ASIC2: variants seen among roughly 807,000 people sequenced by gnomAD.
The protein encoded by ASIC2 is acid sensing ion channel subunit 2.
ASIC2 carries 25 observed loss-of-function variants against 57.3 expected under a neutral mutation model. The ratio of observed to expected loss-of-function variants is 0.44; its 90% CI spans 0.32 to 0.61. The LOEUF (loss-of-function observed/expected upper bound fraction) is 0.61. Ranked by LOEUF, ASIC2 falls within the 20% of genes least tolerant of loss-of-function variation. ASIC2 has a pLI of 0.06. For missense variants in ASIC2, 641 were observed against 738.1 expected (o/e 0.87, Z 1.52); for synonymous variants, 319 against 307.5 (o/e 1.04, Z -0.39).
intron 1 of ASIC2, among the ~76,000 whole-genome samples, chr17:34,022,368 A>G (rs950915109): frequency 2.0e-5 from 3 of 152,158 alleles, no homozygotes; most frequent in African/African-American, 7.2e-5. Flanking sequence ...TTTTGGACAC[A>G]AATTTCCTGC....
intron 1 of ASIC2, among the ~76,000 whole-genome samples, chr17:33,860,013 A>G (rs1914063742): frequency 6.6e-6 from 1 of 152,176 alleles, no homozygotes; most frequent in Non-Finnish European, 1.5e-5. Context: ...TATTTCTCAC[A>G]TAGCATCAGA....
At chr17:33,327,681 A>G (rs2142222058) in intron 1 of ASIC2, among the ~76,000 whole-genome samples, 1 of 152,330 alleles carries the variant, frequency 6.6e-6, no homozygotes, top group East Asian at 1.9e-4. Context: ...CGTTCATTAG[A>G]AAAGACTCCT....
intron 1 of ASIC2, among the ~76,000 whole-genome samples, chr17:33,930,519 G>A (rs1171811426): frequency 6.6e-6 from 1 of 152,198 alleles, no homozygotes; most frequent in East Asian, 1.9e-4. Flanking sequence ...ACCAGAGCCT[G>A]GGCCCACCAT....
At chr17:33,033,916 G>T (rs2091897238) in intron 3 of ASIC2, among the ~76,000 whole-genome samples, 1 of 152,188 alleles carries the variant, frequency 6.6e-6, no homozygotes, top group Non-Finnish European at 1.5e-5. Flanking sequence ...GGACCAAGAG[G>T]TCAGAGAGAC....
intron 1 of ASIC2, among the ~76,000 whole-genome samples, chr17:33,940,775 G>C (rs1398382880): frequency 6.6e-6 from 1 of 152,216 alleles, no homozygotes; most frequent in African/African-American, 2.4e-5. Context: ...GAACACAATG[G>C]GGGATCTGAT....
intron 1 of ASIC2, among the ~76,000 whole-genome samples, chr17:33,719,294 G>C (rs1002829500): frequency 1.3e-5 from 2 of 152,178 alleles, no homozygotes; most frequent in Non-Finnish European, 2.9e-5. Flanking sequence ...TTGGTGACCA[G>C]GAGTGCAAGG....
intron 1 of ASIC2, among the ~76,000 whole-genome samples, chr17:33,799,427 C>T (rs370671774): frequency 1.1e-3 from 89 of 84,088 alleles, no homozygotes; most frequent in Non-Finnish European, 1.3e-3. Flanking sequence ...TTCTTTCTTT[C>T]TTCTTTCTTT....
intron 1 of ASIC2, among the ~76,000 whole-genome samples, chr17:33,239,215 C>G (rs111549868): frequency 6.7e-6 from 1 of 150,298 alleles, no homozygotes; most frequent in Non-Finnish European, 1.5e-5. Context: ...TGCTTGAACC[C>G]GGGAGGCGGA....
intron 1 of ASIC2, among the ~76,000 whole-genome samples, chr17:34,066,295 T>C (rs1304914785): frequency 6.6e-6 from 1 of 152,230 alleles, no homozygotes; most frequent in Non-Finnish European, 1.5e-5. Context: ...TTCATCTCTT[T>C]GTGATCTCTC....
chr17:34,091,380 C>A (rs1004598272), intron 1 of ASIC2, among the ~76,000 whole-genome samples: 13 of 152,256 alleles, frequency 8.5e-5, no homozygotes, highest in African/African-American at 3.1e-4. Flanking sequence ...TCTGCCATGT[C>A]CCTGGCAAGT....
At chr17:33,601,150 G>A (rs1446913751) in intron 1 of ASIC2, among the ~76,000 whole-genome samples, 1 of 152,144 alleles carries the variant, frequency 6.6e-6, no homozygotes, top group Non-Finnish European at 1.5e-5. Context: ...TGTCCAGCTT[G>A]GCCACATAAA....
At chr17:33,205,776 C>A (rs1170931053) in intron 1 of ASIC2, among the ~76,000 whole-genome samples, 1 of 152,182 alleles carries the variant, frequency 6.6e-6, no homozygotes, top group African/African-American at 2.4e-5. Context: ...TCCCGGCATG[C>A]CGCAGGGCTG....
chr17:33,606,515 C>T lies in ASIC2; in HGVS notation c.556-494448G>A, dbSNP rs1905235855. On this transcript the variant is annotated intron_variant, in intron 1 of 9. Coordinates refer to the ASIC2 transcript ENST00000359872. ...CTTCCACTAGAGTTCAAGGCTAAGT[C>T]TTTAAAGATGCCCCCTCCAACCTAC... Among the ~76,000 whole-genome samples the T allele has an allele frequency of 2.0e-5, 3 of 152,286 alleles. No individual in the cohort carries two copies. The South Asian group carries it at 6.2e-4, about 32-fold the overall frequency.
At chr17:33,044,428 AATG>A (rs1421973208) in intron 3 of ASIC2, among the ~76,000 whole-genome samples, 1 of 151,940 alleles carries the variant, frequency 6.6e-6, no homozygotes, top group Admixed American at 6.6e-5. Context: ...GCTGGAATGC[AATG>A]GTAAGATCTT....
intron 1 of ASIC2, among the ~76,000 whole-genome samples, chr17:33,299,008 T>A (rs1299628949): frequency 6.6e-6 from 1 of 152,202 alleles, no homozygotes; most frequent in Non-Finnish European, 1.5e-5. Flanking sequence ...AAAATGGCCA[T>A]ACTGCCCAAG....
intron 1 of ASIC2, among the ~76,000 whole-genome samples, chr17:33,732,773 G>A (rs886276147): frequency 6.6e-6 from 1 of 152,120 alleles, no homozygotes; most frequent in Admixed American, 6.5e-5. Context: ...GAGTAGCTGG[G>A]ACTACAGGTG....
intron 1 of ASIC2, among the ~76,000 whole-genome samples, chr17:33,751,514 T>A (rs1376546341): frequency 1.3e-5 from 2 of 151,678 alleles, no homozygotes; most frequent in Non-Finnish European, 2.9e-5. Flanking sequence ...GAGACAGTAA[T>A]TTTTTCAAGG....
At chr17:33,229,384 T>C (rs1275502042) in intron 1 of ASIC2, among the ~76,000 whole-genome samples, 1 of 152,138 alleles carries the variant, frequency 6.6e-6, no homozygotes, top group East Asian at 1.9e-4. Flanking sequence ...ATGAGGAATG[T>C]GGTCTGAGCA....
intron 1 of ASIC2, among the ~76,000 whole-genome samples, chr17:33,480,053 C>T (rs750926794): frequency 2.0e-4 from 30 of 152,192 alleles, no homozygotes; most frequent in Non-Finnish European, 2.2e-4. Flanking sequence ...GAGCCATTCC[C>T]AGACCATAAA....
Sources: allele counts gnomAD v4.1 joint callset (sites outside exome capture counted in the v4.1 genomes callset), GRCh38; gene constraint gnomAD v4.1.1; transcripts MANE v1.5; gene names NCBI Gene and HGNC (gene_info 2026-07-23, HGNC 2026-07-21).